The following CDH6 variants were observed in gnomAD, a reference collection of about 807,000 sequenced individuals.
The protein encoded by CDH6 is cadherin 6, also known as cadherin-6.
Under a neutral mutation model 78.0 loss-of-function variants are expected in CDH6, and 31 were observed. That is an observed-to-expected ratio of 0.40 (90% CI 0.30 to 0.54). The LOEUF (loss-of-function observed/expected upper bound fraction) is 0.54, where lower values mean the gene tolerates loss of function less well. CDH6 is among the 20% of genes least tolerant of loss of function. CDH6 has a pLI of 0.56. For missense variants in CDH6, 724 were observed against 975.9 expected, an observed-to-expected ratio of 0.74 and a Z score of 3.44; for synonymous variants, 376 against 368.8, an observed-to-expected ratio of 1.02 and a Z score of -0.23.
intron 6 of CDH6, among the ~76,000 whole-genome samples, chr5:31,303,834 A>G (rs1432002975): frequency 6.6e-6 from 1 of 152,180 alleles, no homozygotes; most frequent in Non-Finnish European, 1.5e-5. Context: ...TGACACTCAG[A>G]CTAATGTTTT....
chr5:31,269,737 T>A (rs1423112075), intron 2 of CDH6, among the ~76,000 whole-genome samples: 1 of 152,192 alleles, frequency 6.6e-6, no homozygotes, highest in Non-Finnish European at 1.5e-5. Flanking sequence ...CATGGCAAAA[T>A]CTCTTTACAA....
intron 1 of CDH6, among the ~76,000 whole-genome samples, chr5:31,245,897 CTCTTTTTT>C (rs1741733011): frequency 7.2e-6 from 1 of 139,332 alleles, no homozygotes; most frequent in African/African-American, 2.8e-5. Flanking sequence ...CTCTCTCTCT[CTCTTTTTT>C]TTTTTTTTTT....
intron 1 of CDH6, among the ~76,000 whole-genome samples, chr5:31,233,883 T>C (rs190017299): frequency 2.0e-5 from 3 of 152,338 alleles, no homozygotes; most frequent in Admixed American, 1.3e-4. Context: ...CTGACTATCA[T>C]TCACTTGCTT....
intron 1 of CDH6, among the ~76,000 whole-genome samples, chr5:31,210,744 C>T (rs1224494895): frequency 6.6e-6 from 1 of 152,150 alleles, no homozygotes; most frequent in Non-Finnish European, 1.5e-5. Flanking sequence ...ACCTAATACA[C>T]TATCAATGCA....
chr5:31,276,114 A>G (rs1742685451), intron 2 of CDH6, among the ~76,000 whole-genome samples: 1 of 152,250 alleles, frequency 6.6e-6, no homozygotes, highest in Admixed American at 6.5e-5. Flanking sequence ...AGATGACAAT[A>G]AAATGTAACC....
intron 1 of CDH6, among the ~76,000 whole-genome samples, chr5:31,199,336 A>G (rs563517903): frequency 1.3e-5 from 2 of 150,434 alleles, no homozygotes; most frequent in South Asian, 2.1e-4. Context: ...ATGTGTGTGT[A>G]TATACATATG....
At position 31,323,391 on chromosome 5, in the gene CDH6, G is replaced by A; in HGVS notation, c.*83G>A. ...TTATATTTATCCACTACTCCGTGAA[G>A]GCTTCTCTGTTCTACCCGTTCCAAA... On this transcript the variant is annotated 3_prime_UTR_variant, in exon 12 of 12. Coordinates refer to ENST00000265071, the MANE Select transcript of CDH6 (RefSeq NM_004932.4). 2.7e-6 allele frequency: 4 copies of A among 1,469,664 alleles called. No homozygotes were observed. The highest frequency in any genetic ancestry group is 9.2e-7 in the Non-Finnish European group (1 of 1,083,484). The allele number at this position is 1,469,664 out of a possible 1,614,324, so 91.0% of individuals were successfully genotyped here.
chr5:31,297,144 C>T, intron 3 of CDH6, 145 bp from the exon 4 acceptor site: 2 of 690,798 alleles, frequency 2.9e-6, no homozygotes, highest in Non-Finnish European at 5.1e-6. Flanking sequence ...GAATCCAATC[C>T]TTTTTCACCC....
chr5:31,328,559 A>T lies in CDH6; in HGVS notation c.*5251A>T, dbSNP rs1021901131. 1 of 206,780 alleles carries T rather than the reference A, an allele frequency of 4.8e-6. No individual in the cohort carries two copies. The highest frequency in any genetic ancestry group is 2.3e-5 in the African/African-American group (1 of 43,824). 12.8% of individuals were successfully genotyped at this position (206,780 alleles called of 1,614,324 possible). A position where few individuals can be genotyped will look rare whatever the true frequency, so the allele number is the denominator to read the frequency against. On this transcript the variant is annotated 3_prime_UTR_variant, in exon 12 of 12. Transcript: ENST00000265071. ...TTGCTTTGAGAGTGAACTGCCTAAG[A>T]GTAGGCCTTATAATAAATGCTATGT...
intron 1 of CDH6, among the ~76,000 whole-genome samples, chr5:31,242,930 A>G (rs1379687843): frequency 6.6e-6 from 1 of 152,024 alleles, no homozygotes; most frequent in African/African-American, 2.4e-5. Context: ...AGCAGTCACA[A>G]AAAAATAAGT....
intron 1 of CDH6, among the ~76,000 whole-genome samples, chr5:31,252,755 G>A (rs1331433292): frequency 2.0e-5 from 3 of 151,026 alleles, no homozygotes; most frequent in Non-Finnish European, 4.4e-5. Context: ...ATAGAAAAAA[G>A]AGCTTTTTGT....
At chr5:31,315,961 T>A (rs1738311008) in intron 8 of CDH6, among the ~76,000 whole-genome samples, 1 of 152,212 alleles carries the variant, frequency 6.6e-6, no homozygotes, top group African/African-American at 2.4e-5. Flanking sequence ...AGGTTTATTA[T>A]ACAGTTGAAC....
chr5:31,207,283 C>A (rs1740554177), intron 1 of CDH6, among the ~76,000 whole-genome samples: 1 of 152,172 alleles, frequency 6.6e-6, no homozygotes. Context: ...GTCATGAAAT[C>A]TATTGGGATC....
intron 1 of CDH6, among the ~76,000 whole-genome samples, chr5:31,208,268 G>T (rs1396579140): frequency 6.6e-6 from 1 of 152,180 alleles, no homozygotes; most frequent in Admixed American, 6.5e-5. Context: ...CATCCAAGCC[G>T]CAAGGGGTTT....
intron 1 of CDH6, among the ~76,000 whole-genome samples, chr5:31,221,472 CA>C (rs765032646): frequency 6.6e-6 from 1 of 152,088 alleles, no homozygotes; most frequent in African/African-American, 2.4e-5. Context: ...CTAGAATTTT[CA>C]AAAAACTTAT....
chr5:31,299,322 A>C, intron 4 of CDH6, 142 bp from the exon 5 acceptor site: 1 of 613,662 alleles, frequency 1.6e-6, no homozygotes, highest in South Asian at 2.4e-5. Context: ...TAAAGGCTGC[A>C]TATAATTATT....
chr5:31,232,525 G>C (rs868613763), intron 1 of CDH6, among the ~76,000 whole-genome samples: 21 of 152,236 alleles, frequency 1.4e-4, no homozygotes, highest in African/African-American at 4.8e-4. Flanking sequence ...AAACGTTTTT[G>C]GCTGCACCCT....
In CDH6 at chr5:31,323,340, C is replaced by T; in HGVS notation, c.*32C>T. 1 of 1,585,678 alleles carries T rather than the reference C, an allele frequency of 6.3e-7. No homozygotes were observed. The highest frequency in any genetic ancestry group is 8.6e-7 in the Non-Finnish European group (1 of 1,162,018). On this transcript the variant is annotated 3_prime_UTR_variant, in exon 12 of 12. Coordinates refer to ENST00000265071, the MANE Select transcript of CDH6 (RefSeq NM_004932.4). ...GCCTTTTTCATTTTCCAATACGACACTGAAATATGTGAAGTGGCTATTTCT... is the reference window on the plus strand; with the variant it reads ...GCCTTTTTCATTTTCCAATACGACATTGAAATATGTGAAGTGGCTATTTCT...
intron 1 of CDH6, among the ~76,000 whole-genome samples, chr5:31,208,610 C>A (rs1292903816): frequency 1.3e-5 from 2 of 152,136 alleles, no homozygotes; most frequent in African/African-American, 4.8e-5. Flanking sequence ...ATGGTGGAAA[C>A]TGTGGCTGTA....
Sources: gnomAD v4.1 joint callset for allele counts (sites outside exome capture counted in the v4.1 genomes callset) on GRCh38, gnomAD v4.1.1 for gene constraint, MANE v1.5 for transcripts, NCBI Gene and HGNC (gene_info 2026-07-23, HGNC 2026-07-21) for gene names.